The following CLUAP1 variants were observed in gnomAD, a reference collection of about 807,000 sequenced individuals.
CLUAP1 encodes clusterin-associated protein 1.
Under a neutral mutation model 55.0 loss-of-function variants are expected in CLUAP1, and 50 were observed. That is an observed-to-expected ratio of 0.91 (90% CI 0.72 to 1.15). CLUAP1 has a LOEUF of 1.15. CLUAP1 is among the 50% of genes most tolerant of loss of function. The probability of loss-of-function intolerance (pLI) is 0.00; values close to 1 mark genes in which losing one functional copy is unlikely to be tolerated. For synonymous variants in CLUAP1, 195 were observed against 175.4 expected (o/e 1.11, Z -0.88); for missense variants, 530 against 507.6 (o/e 1.04, Z -0.42).
At chr16:3,500,515 G>A (rs1442235682), upstream of CLUAP1, among the ~76,000 whole-genome samples, 5 of 152,074 alleles carry the variant, frequency 3.3e-5, no homozygotes, top group Admixed American at 2.0e-4. Context: ...GATTACAGGT[G>A]TGCGCCACCA....
At chr16:3,507,715 T>C (rs1596384814) in intron 3 of CLUAP1, among the ~76,000 whole-genome samples, 1 of 147,446 alleles carries the variant, frequency 6.8e-6, no homozygotes, top group Admixed American at 7.0e-5. Flanking sequence ...TGTGTGTGTG[T>C]GTGCAAATAA....
chr16:3,529,916 ATAT>A (rs1046017892), intron 9 of CLUAP1, among the ~76,000 whole-genome samples: 47 of 117,710 alleles, frequency 4.0e-4, no homozygotes, highest in African/African-American at 1.1e-3. Context: ...ATATAGTTAT[ATAT>A]TATTATATAT....
intron 5 of CLUAP1, among the ~76,000 whole-genome samples, chr16:3,513,831 T>G (rs1024234354): frequency 1.3e-5 from 2 of 152,232 alleles, no homozygotes; most frequent in Non-Finnish European, 2.9e-5. Context: ...GCTTTAAAAC[T>G]AAATGAATTT....
At chr16:3,514,165 G>A (rs957201336) in intron 5 of CLUAP1, among the ~76,000 whole-genome samples, 1 of 152,204 alleles carries the variant, frequency 6.6e-6, no homozygotes, top group African/African-American at 2.4e-5. Flanking sequence ...AGAGACAGGA[G>A]CTGGCCACTT....
chr16:3,529,375 ATG>A (rs60744501), intron 9 of CLUAP1, among the ~76,000 whole-genome samples: 4,769 of 107,170 alleles, frequency 0.044, 145 homozygotes, highest in African/African-American at 0.056. Context: ...CCAGTTTTGT[ATG>A]TGTGTGTGTG....
At chr16:3,529,009 A>G (rs1446380762) in intron 9 of CLUAP1, among the ~76,000 whole-genome samples, 1 of 152,122 alleles carries the variant, frequency 6.6e-6, no homozygotes, top group African/African-American at 2.4e-5. Context: ...TACATAAAAT[A>G]TATACAGCAT....
intron 8 of CLUAP1, 57 bp from the exon 9 acceptor site, chr16:3,526,355 A>C (rs565328925): frequency 5.4e-5 from 66 of 1,229,768 alleles, no homozygotes; most frequent in Middle Eastern, 2.0e-4. Flanking sequence ...GGTGAAGAAG[A>C]ATAGAACAGT....
chr16:3,522,347 A>G (rs2151059551), intron 7 of CLUAP1, among the ~76,000 whole-genome samples: 1 of 152,212 alleles, frequency 6.6e-6, no homozygotes, highest in South Asian at 2.1e-4. Context: ...TATTTTTAGT[A>G]GAGACGAGGT....
intron 9 of CLUAP1, among the ~76,000 whole-genome samples, chr16:3,527,382 A>G (rs2037965691): frequency 6.6e-6 from 1 of 152,106 alleles, no homozygotes; most frequent in African/African-American, 2.4e-5. Flanking sequence ...CAAGAGTGCA[A>G]ACCTTCTGTT....
chr16:3,523,414 C>A, intron 8 of CLUAP1, 115 bp downstream of exon 8: 1 of 1,252,658 alleles, frequency 8.0e-7, no homozygotes. Context: ...TGTTTTTTCT[C>A]CCTGGTCAGT....
chr16:3,497,608 G>C (rs577673914), upstream of CLUAP1, among the ~76,000 whole-genome samples: 32 of 152,134 alleles, frequency 2.1e-4, 1 homozygote, highest in South Asian at 6.4e-3. Context: ...ATATTTATTA[G>C]AGGATAAATA....
At chr16:3,530,510 C>G in intron 9 of CLUAP1, 58 bp from the exon 10 acceptor site, 2 of 1,206,604 alleles carry the variant, frequency 1.7e-6, no homozygotes, top group Admixed American at 3.5e-5. Flanking sequence ...CTGGGCAGAG[C>G]TGTTTCGTTG....
intron 6 of CLUAP1, 64 bp downstream of exon 6, chr16:3,515,655 G>T: frequency 1.7e-6 from 2 of 1,148,524 alleles, no homozygotes; most frequent in Non-Finnish European, 1.3e-6. Flanking sequence ...CTGATTTCTT[G>T]CCCATACAAG....
chr16:3,517,118 CT>C (rs1333140839), intron 6 of CLUAP1, among the ~76,000 whole-genome samples: 1 of 148,956 alleles, frequency 6.7e-6, no homozygotes. Flanking sequence ...CCACAAAGTA[CT>C]TTTTTTTTCT....
chr16:3,511,093 G>C (rs1335628742), intron 4 of CLUAP1, among the ~76,000 whole-genome samples: 2 of 152,200 alleles, frequency 1.3e-5, no homozygotes, highest in Non-Finnish European at 1.5e-5. Context: ...TTGGGGATGT[G>C]CTGCTCGGAA....
In CLUAP1 at chr16:3,537,954, G is replaced by A. The variant is rs2038265545; in HGVS notation, c.*1683G>A. ...GCGGAGGTTGCAGTGAGCCGAGATG[G>A]CGCCACTGCACTCCAGCCTGGGCAG... On this transcript the variant is annotated 3_prime_UTR_variant, in exon 12 of 12. Transcript: ENST00000576634. The A allele has an allele frequency of 7.5e-6, 1 of 132,924 alleles. No homozygotes were observed. Among genetic ancestry groups the A allele is most frequent in the African/African-American group, 2.9e-5 (1 of 34,792 alleles). The allele number at this position is 132,924 out of a possible 1,614,324, so 8.2% of individuals were successfully genotyped here.
rs2037800523 is a variant in CLUAP1, at chr16:3,519,918, A to G, written c.595A>G (p.Thr199Ala). The change falls in exon 7 of 12, where the codon ACT becomes GCT. Residue 199 changes from threonine to alanine, a missense_variant. Coordinates refer to ENST00000576634, the MANE Select transcript of CLUAP1 (RefSeq NM_015041.3). ...TTAAATATAGACACAGGTTCAGAAGACTAAAGACCTGCTCAATAATGTGGC... is the reference window on the plus strand; with the variant it reads ...TTAAATATAGACACAGGTTCAGAAGGCTAAAGACCTGCTCAATAATGTGGC... ...IKEILTQVQK[T>A]KDLLNNVASD... 1 of 1,603,446 alleles carries G rather than the reference A, an allele frequency of 6.2e-7. No homozygotes were observed. Among genetic ancestry groups the G allele is most frequent in the Admixed American group, 1.8e-5 (1 of 57,052 alleles).
chr16:3,522,882 G>C (rs935118873), intron 7 of CLUAP1, among the ~76,000 whole-genome samples: 41 of 152,046 alleles, frequency 2.7e-4, no homozygotes, highest in African/African-American at 8.9e-4. Context: ...ACCTGGTGAT[G>C]GGATTATCAG....
At chr16:3,533,580 A>C (rs1567443470) in intron 11 of CLUAP1, 1 of 180,950 alleles carries the variant, frequency 5.5e-6, no homozygotes, top group African/African-American at 2.3e-5. Flanking sequence ...CTTAAGCAAA[A>C]GGGGATTCTA....
Sources: gnomAD v4.1 joint callset for allele counts (sites outside exome capture counted in the v4.1 genomes callset) on GRCh38, gnomAD v4.1.1 for gene constraint, MANE v1.5 for transcripts, NCBI Gene and HGNC (gene_info 2026-07-23, HGNC 2026-07-21) for gene names.